Variants in TCF12 observed in about 807,000 individuals in gnomAD.
TCF12 encodes the protein DNA-binding protein HTF4.
In TCF12, 45 loss-of-function variants were observed where a neutral mutation model predicts 86.0. The ratio of observed to expected loss-of-function variants is 0.52; its 90% CI spans 0.41 to 0.67. The LOEUF (loss-of-function observed/expected upper bound fraction) is 0.67. Among genes scored for constraint, TCF12 ranks in the 30% least tolerant of loss-of-function variants. TCF12 has a pLI of 0.00. For synonymous variants in TCF12, 330 were observed against 299.6 expected, an observed-to-expected ratio of 1.10 and a Z score of -1.05; for missense variants, 881 against 859.9, an observed-to-expected ratio of 1.02 and a Z score of -0.31.
intron 20 of TCF12, among the ~76,000 whole-genome samples, chr15:57,283,323 G>A (rs925021427): frequency 7.3e-5 from 11 of 151,394 alleles, no homozygotes; most frequent in African/African-American, 2.4e-4. Context: ...GCAGTGGCAC[G>A]ATCTCAGCTA....
intron 3 of TCF12, among the ~76,000 whole-genome samples, chr15:57,030,649 G>A (rs1161250785): frequency 6.6e-6 from 1 of 151,686 alleles, no homozygotes; most frequent in East Asian, 1.9e-4. Flanking sequence ...TTGTCTTTCT[G>A]CTGAAACTCA....
chr15:57,018,819 G>T (rs1385261487), intron 3 of TCF12, among the ~76,000 whole-genome samples: 2 of 152,196 alleles, frequency 1.3e-5, no homozygotes, highest in Non-Finnish European at 2.9e-5. Context: ...ACAAAAGAGA[G>T]AGATTGAAAC....
chr15:56,929,635 C>G (rs186304264), intron 3 of TCF12, among the ~76,000 whole-genome samples: 2 of 152,206 alleles, frequency 1.3e-5, no homozygotes, highest in East Asian at 3.9e-4. Context: ...AAAGAAAATG[C>G]ATTAGAGATT....
chr15:57,061,194 A>G (rs1409188348), intron 3 of TCF12, among the ~76,000 whole-genome samples: 1 of 152,202 alleles, frequency 6.6e-6, no homozygotes, highest in Non-Finnish European at 1.5e-5. Context: ...TGAAAATTGA[A>G]TATGTAGTTT....
intron 3 of TCF12, among the ~76,000 whole-genome samples, chr15:57,041,189 T>C (rs1377253803): frequency 6.6e-6 from 1 of 152,158 alleles, no homozygotes; most frequent in African/African-American, 2.4e-5. Flanking sequence ...GACAGAAAAG[T>C]ACAATAAAGA....
intron 4 of TCF12, among the ~76,000 whole-genome samples, chr15:57,086,073 C>T (rs2048602684): frequency 6.6e-6 from 1 of 151,972 alleles, no homozygotes; most frequent in South Asian, 2.1e-4. Flanking sequence ...TCCTCCCCTC[C>T]CTTTGTCATT....
At chr15:57,110,819 C>G (rs1351054395) in intron 5 of TCF12, among the ~76,000 whole-genome samples, 5 of 152,126 alleles carry the variant, frequency 3.3e-5, no homozygotes, top group Admixed American at 3.3e-4. Context: ...AGAATGCCAA[C>G]TGATGTTAAA....
In TCF12 at chr15:57,073,964, A is replaced by G. The variant is rs540881052; in HGVS notation, c.222+10141A>G. ...ACAGGGTTTCACCGTGTTAGCCAGGATGGTCTCGATCTCCTGACCTCATGA... is the reference window on the plus strand; with the variant it reads ...ACAGGGTTTCACCGTGTTAGCCAGGGTGGTCTCGATCTCCTGACCTCATGA... On this transcript the variant is annotated intron_variant, in intron 4 of 20. Coordinates refer to ENST00000333725, the MANE Select transcript of TCF12 (RefSeq NM_207037.2). 3.9e-5 allele frequency among the ~76,000 whole-genome samples: 6 copies of G among 152,120 alleles called. No homozygotes were observed. In the South Asian group the frequency reaches 1.0e-3, roughly 26 times the overall value.
At chr15:57,191,203 C>A (rs1365511430) in intron 6 of TCF12, among the ~76,000 whole-genome samples, 1 of 152,198 alleles carries the variant, frequency 6.6e-6, no homozygotes, top group African/African-American at 2.4e-5. Flanking sequence ...GTGGCTCACA[C>A]CAGTATTCCC....
At chr15:57,140,056 A>G (rs753281061) in intron 5 of TCF12, among the ~76,000 whole-genome samples, 11 of 152,222 alleles carry the variant, frequency 7.2e-5, no homozygotes, top group Non-Finnish European at 1.5e-4. Flanking sequence ...TTCCAGGTAC[A>G]TACCCAAAAG....
intron 18 of TCF12, among the ~76,000 whole-genome samples, chr15:57,267,489 C>A (rs1354769389): frequency 6.6e-6 from 1 of 152,154 alleles, no homozygotes; most frequent in Admixed American, 6.6e-5. Context: ...CATCTTTCCT[C>A]CATATTCATC....
intron 4 of TCF12, among the ~76,000 whole-genome samples, chr15:57,089,815 C>A (rs2048877220): frequency 6.6e-6 from 1 of 152,072 alleles, no homozygotes; most frequent in African/African-American, 2.4e-5. Context: ...TGATGCCTTC[C>A]TTTGACTGTG....
chr15:57,065,592 A>G (rs2068802733), intron 4 of TCF12, among the ~76,000 whole-genome samples: 1 of 151,630 alleles, frequency 6.6e-6, no homozygotes. Flanking sequence ...GGTGCCTTAT[A>G]TTTCTCTCTC....
At chr15:57,150,810 A>C (rs2053678449) in intron 5 of TCF12, among the ~76,000 whole-genome samples, 1 of 152,004 alleles carries the variant, frequency 6.6e-6, no homozygotes, top group Non-Finnish European at 1.5e-5. Flanking sequence ...AATGCTATGA[A>C]AAAAACGGAA....
intron 5 of TCF12, among the ~76,000 whole-genome samples, chr15:57,132,790 C>T (rs12102210): frequency 0.013 from 1,958 of 152,280 alleles, 48 homozygotes; most frequent in African/African-American, 0.041. Flanking sequence ...CTGCCTACAT[C>T]CTCTCTGAGT....
intron 3 of TCF12, among the ~76,000 whole-genome samples, chr15:56,972,277 G>C (rs1423847801): frequency 6.6e-6 from 1 of 152,164 alleles, no homozygotes; most frequent in Non-Finnish European, 1.5e-5. Flanking sequence ...TTTTGATCCA[G>C]CAATTCCACT....
At chr15:57,118,609 G>A (rs1413980028) in intron 5 of TCF12, among the ~76,000 whole-genome samples, 7 of 151,974 alleles carry the variant, frequency 4.6e-5, no homozygotes, top group East Asian at 1.9e-4. Context: ...TAGTGGTTGC[G>A]TTTTCAGTTT....
At chr15:57,275,491 T>G (rs1346145836) in intron 19 of TCF12, among the ~76,000 whole-genome samples, 1 of 137,062 alleles carries the variant, frequency 7.3e-6, no homozygotes. Context: ...GGCTGTCAGA[T>G]AGGGTTTAGA....
At chr15:57,247,030 T>C in intron 13 of TCF12, 1 of 548,346 alleles carries the variant, frequency 1.8e-6, no homozygotes, top group Non-Finnish European at 3.6e-6. Flanking sequence ...CCACCAAAAG[T>C]GCCCCCTTTC....
Sources: gnomAD v4.1 joint callset for allele counts (sites outside exome capture counted in the v4.1 genomes callset) on GRCh38, gnomAD v4.1.1 for gene constraint, MANE v1.5 for transcripts, NCBI Gene and HGNC (gene_info 2026-07-23, HGNC 2026-07-21) for gene names.